SYT1: variants seen among roughly 807,000 people sequenced by gnomAD.
SYT1 encodes synaptotagmin-1.
Under a neutral mutation model 44.8 loss-of-function variants are expected in SYT1, and 8 were observed. The ratio of observed to expected loss-of-function variants is 0.18; its 90% CI spans 0.10 to 0.32. The LOEUF is 0.32. SYT1 is among the 10% of genes least tolerant of loss of function. The probability of loss-of-function intolerance (pLI) is 1.00; values close to 1 mark genes in which losing one functional copy is unlikely to be tolerated. For missense variants in SYT1, 286 were observed against 509.3 expected (o/e 0.56, Z 4.22); for synonymous variants, 154 against 188.8 (o/e 0.82, Z 1.51).
At chr12:78,927,436 T>A (rs1877364885) in intron 1 of SYT1, among the ~76,000 whole-genome samples, 1 of 152,180 alleles carries the variant, frequency 6.6e-6, no homozygotes. Flanking sequence ...ACTGTAAGAT[T>A]AGTGTGCGTC....
chr12:79,102,270 TTC>T (rs113338125), intron 3 of SYT1, among the ~76,000 whole-genome samples: 22,857 of 147,622 alleles, frequency 0.15, 1,774 homozygotes, highest in South Asian at 0.19. Flanking sequence ...CTCTCTCTCT[TTC>T]TCTCTCTCTC....
At chr12:79,013,989 G>A (rs1871604988) in intron 2 of SYT1, among the ~76,000 whole-genome samples, 1 of 146,190 alleles carries the variant, frequency 6.8e-6, no homozygotes, top group Non-Finnish European at 1.5e-5. Flanking sequence ...AGCTGGGCAT[G>A]GTGGTGGGCG....
intron 3 of SYT1, among the ~76,000 whole-genome samples, chr12:79,179,243 G>T (rs11611521): frequency 9.9e-5 from 6 of 60,588 alleles, no homozygotes; most frequent in African/African-American, 8.6e-4. Flanking sequence ...TAGATATATA[G>T]ATATAGATAT....
chr12:78,886,357 T>G (rs910566476), intron 1 of SYT1, among the ~76,000 whole-genome samples: 1 of 151,958 alleles, frequency 6.6e-6, no homozygotes, highest in Non-Finnish European at 1.5e-5. Context: ...TGAGACAAAA[T>G]GGTTTTGCTT....
At chr12:79,299,025 T>C (rs968696522) in intron 7 of SYT1, among the ~76,000 whole-genome samples, 1 of 152,082 alleles carries the variant, frequency 6.6e-6, no homozygotes, top group Non-Finnish European at 1.5e-5. Context: ...AAAACAACAA[T>C]AACAACAAAA....
At chr12:78,971,621 C>T (rs895488266) in intron 1 of SYT1, among the ~76,000 whole-genome samples, 10 of 152,012 alleles carry the variant, frequency 6.6e-5, no homozygotes, top group African/African-American at 2.4e-4. Flanking sequence ...GATAAGAAAA[C>T]AAACAAATTT....
intron 3 of SYT1, among the ~76,000 whole-genome samples, chr12:79,090,367 C>G (rs1877688929): frequency 6.6e-6 from 1 of 151,908 alleles, no homozygotes. Context: ...CTACATCACT[C>G]CAATATATCT....
chr12:79,381,695 G>C (rs978222708), intron 9 of SYT1, among the ~76,000 whole-genome samples: 1 of 152,186 alleles, frequency 6.6e-6, no homozygotes, highest in African/African-American at 2.4e-5. Flanking sequence ...CTGTGTGAGT[G>C]TTAGGGAGCA....
chr12:79,094,748 A>T (rs1006634240), intron 3 of SYT1, among the ~76,000 whole-genome samples: 3 of 151,880 alleles, frequency 2.0e-5, no homozygotes, highest in Non-Finnish European at 2.9e-5. Flanking sequence ...AGAGAAGGCA[A>T]AGAAATTCTT....
At chr12:79,134,525 T>C (rs775735888) in intron 3 of SYT1, among the ~76,000 whole-genome samples, 1 of 152,186 alleles carries the variant, frequency 6.6e-6, no homozygotes, top group Non-Finnish European at 1.5e-5. Context: ...AAGTAGGAAA[T>C]TGAACTTTCA....
chr12:79,106,358 A>T lies in SYT1; in HGVS notation c.-18+58996A>T, dbSNP rs112487272. Reference sequence around the variant, plus strand: ...AGATAGGCGAGTGATCCACATGGTCAAAGGAAAGCCAGAAGAACAGGGATC... The same window carrying T: ...AGATAGGCGAGTGATCCACATGGTCTAAGGAAAGCCAGAAGAACAGGGATC... On this transcript the variant is annotated intron_variant, in intron 3 of 10. Transcript: ENST00000261205. Among the ~76,000 whole-genome samples, 799 of 152,354 alleles carry T rather than the reference A, an allele frequency of 5.2e-3. 10 individuals are homozygous for T. Among genetic ancestry groups the T allele is most frequent in the Middle Eastern group, 0.017 (5 of 294 alleles).
chr12:79,374,483 A>T lies in SYT1; in HGVS notation c.928+20864A>T, dbSNP rs576139741. Among the ~76,000 whole-genome samples the T allele has an allele frequency of 1.1e-4, 17 of 152,322 alleles. No individual in the cohort carries two copies. In the East Asian group the frequency reaches 3.3e-3, roughly 29 times the overall value. The stretch of plus-strand genomic sequence containing the variant: ...TAATGTGATACCTAATTTTTATTTT[A>T]AAAGGGTACACATTCTAACAAATGG... On this transcript the variant is annotated intron_variant, in intron 9 of 10. Coordinates refer to ENST00000261205, the MANE Select transcript of SYT1 (RefSeq NM_005639.3).
chr12:79,030,487 A>G (rs1206936988), intron 2 of SYT1, among the ~76,000 whole-genome samples: 1 of 151,088 alleles, frequency 6.6e-6, no homozygotes, highest in African/African-American at 2.4e-5. Context: ...ACCAAATGCC[A>G]TTAGGGCTTT....
At chr12:79,408,724 T>C (rs1868319093) in intron 9 of SYT1, among the ~76,000 whole-genome samples, 1 of 149,368 alleles carries the variant, frequency 6.7e-6, no homozygotes, top group Non-Finnish European at 1.5e-5. Flanking sequence ...TCTTTCCTTT[T>C]CTTTCTTTTT....
chr12:78,976,347 A>T (rs1868831202), intron 1 of SYT1, among the ~76,000 whole-genome samples: 1 of 152,200 alleles, frequency 6.6e-6, no homozygotes, highest in African/African-American at 2.4e-5. Context: ...TGTCTGTATC[A>T]GCCAGGCAAA....
chr12:79,237,985 A>C (rs1469114248), intron 4 of SYT1, among the ~76,000 whole-genome samples: 1 of 152,224 alleles, frequency 6.6e-6, no homozygotes, highest in Admixed American at 6.5e-5. Context: ...ATGACAGAAA[A>C]GGAGTTAAGA....
intron 8 of SYT1, among the ~76,000 whole-genome samples, chr12:79,320,644 TC>T (rs1213541810): frequency 4.0e-5 from 6 of 148,844 alleles, no homozygotes; most frequent in African/African-American, 7.5e-5. Context: ...TTTTTCTTTT[TC>T]CCCTTTTTTT....
intron 3 of SYT1, among the ~76,000 whole-genome samples, chr12:79,143,309 T>G (rs183837457): frequency 6.6e-6 from 1 of 152,230 alleles, no homozygotes. Context: ...AGCGTTTTCA[T>G]GTGTATAGTA....
At chr12:79,408,427 G>A (rs1373957331) in intron 9 of SYT1, among the ~76,000 whole-genome samples, 1 of 152,152 alleles carries the variant, frequency 6.6e-6, no homozygotes, top group Non-Finnish European at 1.5e-5. Flanking sequence ...ATTGGCATTA[G>A]TGGGTTTATT....
Sources: allele counts gnomAD v4.1 joint callset (sites outside exome capture counted in the v4.1 genomes callset), GRCh38; gene constraint gnomAD v4.1.1; transcripts MANE v1.5; gene names NCBI Gene and HGNC (gene_info 2026-07-23, HGNC 2026-07-21).